The following VPS53 variants were observed in gnomAD, a reference collection of about 807,000 sequenced individuals.
VPS53 encodes the protein vacuolar protein sorting-associated protein 53 homolog.
In VPS53, 70 loss-of-function variants were observed where a neutral mutation model predicts 107.0. The observed-to-expected ratio is 0.65, with a 90% confidence interval of 0.54 to 0.80. The LOEUF (loss-of-function observed/expected upper bound fraction) is 0.80. Ranked by LOEUF, VPS53 falls within the 30% of genes least tolerant of loss-of-function variation. The pLI is 0.00. For missense variants in VPS53, 917 were observed against 1,049.4 expected, an observed-to-expected ratio of 0.87 and a Z score of 1.74; for synonymous variants, 409 against 393.3, an observed-to-expected ratio of 1.04 and a Z score of -0.47.
intron 13 of VPS53, among the ~76,000 whole-genome samples, chr17:568,904 GT>G (rs1161635028): frequency 6.6e-6 from 1 of 152,108 alleles, no homozygotes. Flanking sequence ...GTAGAAGCAG[GT>G]GCACACACAG....
At chr17:600,971 C>CT (rs1183382967) in intron 12 of VPS53, 1 of 152,282 alleles carries the variant, frequency 6.6e-6, no homozygotes, top group Admixed American at 6.5e-5. Context: ...CTCTTGGCTC[C>CT]TGCCCTTGTG....
At chr17:619,895 C>T (rs563909805) in intron 11 of VPS53, among the ~76,000 whole-genome samples, 11 of 139,954 alleles carry the variant, frequency 7.9e-5, no homozygotes, top group Non-Finnish European at 1.2e-4. Flanking sequence ...TAATATTTCC[C>T]GGGTAGATGG....
intron 13 of VPS53, among the ~76,000 whole-genome samples, chr17:563,419 C>T (rs1466981337): frequency 2.0e-5 from 3 of 151,834 alleles, no homozygotes; most frequent in Non-Finnish European, 2.9e-5. Flanking sequence ...CGTCAGCCTC[C>T]CATGTAGCTG....
Position 714,732 on chromosome 17 carries a change from A to AC in VPS53, c.-24dup, listed in dbSNP as rs1415212373. On this transcript the variant is annotated 5_prime_UTR_variant, in exon 1 of 22. Transcript: ENST00000437048. ...CATTCCGCCACCCGGCCCCCTGCCG[A>AC]CCCCCGCCGCGAGCCCAACTCAGGC... The AC allele has an allele frequency of 6.3e-7, 1 of 1,585,352 alleles. No homozygotes were observed. The highest frequency in any genetic ancestry group is 8.5e-7 in the Non-Finnish European group (1 of 1,169,874).
intron 9 of VPS53, 102 bp downstream of exon 9, chr17:627,986 C>T (rs898801168): frequency 4.2e-6 from 5 of 1,194,926 alleles, no homozygotes; most frequent in Non-Finnish European, 5.8e-6. Context: ...CCAACACTGT[C>T]AGACAGTCAT....
chr17:512,335 A>G lies in VPS53; in HGVS notation c.*6793T>C, dbSNP rs1042841213. The G allele has an allele frequency of 2.1e-4, 32 of 152,200 alleles. No homozygotes were observed. Among genetic ancestry groups the G allele is most frequent in the African/African-American group, 7.5e-4 (31 of 41,446 alleles). The allele number at this position is 152,200 out of a possible 1,614,324, so 9.4% of individuals were successfully genotyped here. ...TATTCATTATAATCCCCTCTCACCA[A>G]TATTGAAAATGGATGCTCAGGGGAT... On this transcript the variant is annotated 3_prime_UTR_variant, in exon 22 of 22. Transcript: ENST00000437048.
At chr17:705,184 C>T (rs148493118) in intron 2 of VPS53, among the ~76,000 whole-genome samples, 53 of 152,266 alleles carry the variant, frequency 3.5e-4, no homozygotes, top group Admixed American at 2.4e-3. Flanking sequence ...TCCAGCCCTA[C>T]CTGCCACTGA....
chr17:532,758 C>A, intron 19 of VPS53, 84 bp downstream of exon 19: 1 of 1,560,296 alleles, frequency 6.4e-7, no homozygotes, highest in Admixed American at 1.9e-5. Context: ...TTTATTCCTG[C>A]CAAGTAGATC....
chr17:650,558 G>A (rs184687519), intron 7 of VPS53, among the ~76,000 whole-genome samples: 7 of 152,134 alleles, frequency 4.6e-5, no homozygotes, highest in Admixed American at 2.0e-4. Context: ...TAAAGGAACC[G>A]GATACCGTTT....
At chr17:619,945 C>A (rs139396580) in intron 11 of VPS53, among the ~76,000 whole-genome samples, 1 of 146,190 alleles carries the variant, frequency 6.8e-6, no homozygotes, top group African/African-American at 2.6e-5. Context: ...TAGTATTTCC[C>A]GGGTAGCTGG....
At chr17:703,869 C>T (rs1251945547) in intron 2 of VPS53, among the ~76,000 whole-genome samples, 1 of 151,466 alleles carries the variant, frequency 6.6e-6, no homozygotes, top group Non-Finnish European at 1.5e-5. Flanking sequence ...GGCACGATCT[C>T]AGCTGACTGC....
At chr17:573,897 C>A (rs150187922) in intron 13 of VPS53, among the ~76,000 whole-genome samples, 1 of 152,180 alleles carries the variant, frequency 6.6e-6, no homozygotes, top group Admixed American at 6.5e-5. Flanking sequence ...CCAGTCCCCA[C>A]CTGAGTTCCT....
intron 9 of VPS53, among the ~76,000 whole-genome samples, chr17:627,634 G>A (rs1454881641): frequency 6.6e-6 from 1 of 152,074 alleles, no homozygotes; most frequent in Non-Finnish European, 1.5e-5. Flanking sequence ...AAATTAGCCT[G>A]GTGTGGTGAC....
intron 13 of VPS53, among the ~76,000 whole-genome samples, chr17:585,617 G>A (rs1487676897): frequency 6.6e-6 from 1 of 152,156 alleles, no homozygotes; most frequent in Non-Finnish European, 1.5e-5. Flanking sequence ...ACCCCAGCCT[G>A]GGGGACAGCG....
At chr17:659,842 G>A (rs1597451869) in intron 5 of VPS53, among the ~76,000 whole-genome samples, 1 of 152,142 alleles carries the variant, frequency 6.6e-6, no homozygotes, top group South Asian at 2.1e-4. Context: ...CTGCACTGGA[G>A]CTGACTGGTC....
At chr17:521,476 G>T in intron 20 of VPS53, 125 bp downstream of exon 20, 1 of 1,147,738 alleles carries the variant, frequency 8.7e-7, no homozygotes, top group Non-Finnish European at 1.1e-6. Flanking sequence ...ATCCAGTCCA[G>T]CCCAAGAATG....
At chr17:673,324 C>T (rs559525484) in intron 4 of VPS53, among the ~76,000 whole-genome samples, 6 of 152,232 alleles carry the variant, frequency 3.9e-5, no homozygotes, top group Admixed American at 2.0e-4. Context: ...CTGACCACCC[C>T]GGCATCACTG....
At chr17:672,831 G>T (rs1209699930) in intron 4 of VPS53, among the ~76,000 whole-genome samples, 2 of 152,064 alleles carry the variant, frequency 1.3e-5, no homozygotes, top group African/African-American at 4.8e-5. Context: ...GAATGGCAGC[G>T]GCCGGGCGCA....
chr17:521,640 G>C lies in VPS53; in HGVS notation c.2184C>G (p.Ile728Met). ...VRKAPASYTK[I>M]VVKGMTRAEM... ...CAGCCCGGGTCATGCCTTTGACAAC[G>C]ATCTTGGTGTAGCTGGCGGGTGCCT... Residue 728 changes from isoleucine (I) to methionine (M), a missense_variant, in exon 20 of 22, where the codon ATC becomes ATG. By Grantham distance (10) the Ile-to-Met change is conservative. Transcript: ENST00000437048. The C allele has an allele frequency of 1.3e-6, 2 of 1,551,060 alleles. No individual in the cohort carries two copies. Among genetic ancestry groups the C allele is most frequent in the African/African-American group, 1.4e-5 (1 of 73,128 alleles).
Sources: gnomAD v4.1 joint callset for allele counts (sites outside exome capture counted in the v4.1 genomes callset) on GRCh38, gnomAD v4.1.1 for gene constraint, MANE v1.5 for transcripts, NCBI Gene and HGNC (gene_info 2026-07-23, HGNC 2026-07-21) for gene names.